The following RHOBTB1 variants were observed in gnomAD, a reference collection of about 807,000 sequenced individuals.
RHOBTB1 encodes rho-related BTB domain-containing protein 1.
Under a neutral mutation model 71.6 loss-of-function variants are expected in RHOBTB1, and 40 were observed. The ratio of observed to expected loss-of-function variants is 0.56; its 90% confidence interval spans 0.43 to 0.73. The LOEUF (loss-of-function observed/expected upper bound fraction) is 0.73. Among genes scored for constraint, RHOBTB1 ranks in the 30% least tolerant of loss-of-function variants. The pLI is 0.00. For missense variants in RHOBTB1, 797 were observed against 894.0 expected, an observed-to-expected ratio of 0.89 and a Z score of 1.38; for synonymous variants, 319 against 334.9, an observed-to-expected ratio of 0.95 and a Z score of 0.52.
At position 60,907,924 on chromosome 10, in the gene RHOBTB1, G is replaced by A. The variant is rs533532439; in HGVS notation, c.296+2963C>T. On this transcript the variant is annotated intron_variant, in intron 4 of 10. Coordinates refer to ENST00000337910, the MANE Select transcript of RHOBTB1 (RefSeq NM_014836.5). ...AAAGAACTCAACCTTTTACTCAATG[G>A]TAGCACCAAGATCATCTCTGCCTCC... Among the ~76,000 whole-genome samples, 28 of 152,230 alleles carry A rather than the reference G, an allele frequency of 1.8e-4. No individual in the cohort carries two copies. The South Asian group carries it at 5.6e-3, about 30-fold the overall frequency.
At chr10:60,933,764 A>G (rs1389740497) in intron 2 of RHOBTB1, among the ~76,000 whole-genome samples, 1 of 152,206 alleles carries the variant, frequency 6.6e-6, no homozygotes, top group Non-Finnish European at 1.5e-5. Context: ...TAACTTTAGA[A>G]GTCCAAACAC....
chr10:60,952,629 T>C (rs1422368197), intron 2 of RHOBTB1, among the ~76,000 whole-genome samples: 2 of 152,206 alleles, frequency 1.3e-5, no homozygotes, highest in East Asian at 3.8e-4. Context: ...TTCATATAAT[T>C]AGCATTTCAT....
At chr10:60,887,294 G>A (rs1363174434) in intron 6 of RHOBTB1, among the ~76,000 whole-genome samples, 2 of 152,192 alleles carry the variant, frequency 1.3e-5, no homozygotes, top group East Asian at 3.8e-4. Context: ...TAAAATGAAT[G>A]AACTGAGTCT....
At chr10:60,965,729 A>G (rs1031022279) in intron 2 of RHOBTB1, among the ~76,000 whole-genome samples, 3 of 152,152 alleles carry the variant, frequency 2.0e-5, no homozygotes, top group African/African-American at 7.2e-5. Flanking sequence ...CTCATGGTCT[A>G]TCCGTAGTTG....
At chr10:60,985,389 C>T (rs979512138) in intron 2 of RHOBTB1, among the ~76,000 whole-genome samples, 1 of 152,138 alleles carries the variant, frequency 6.6e-6, no homozygotes, top group Non-Finnish European at 1.5e-5. Flanking sequence ...ACATTCAGTG[C>T]CCAGGCCAAA....
chr10:60,884,520 A>T (rs964183866), intron 7 of RHOBTB1, among the ~76,000 whole-genome samples: 1 of 152,240 alleles, frequency 6.6e-6, no homozygotes, highest in East Asian at 1.9e-4. Context: ...GTAAAAAGAC[A>T]AAGAGGCTGT....
At chr10:60,988,432 A>G (rs941875039) in intron 1 of RHOBTB1, among the ~76,000 whole-genome samples, 1 of 151,712 alleles carries the variant, frequency 6.6e-6, no homozygotes. Flanking sequence ...ATAGTACCCA[A>G]CTGGTAGTTG....
rs531176812 is a variant in RHOBTB1 at position 60,872,159 on chromosome 10, T to C, written c.1921+26A>G. ...TCCATGAGAGGTGAGGAGAGCTGGA[T>C]GAATGGGGGCCTCACACAGTCTCAC... On this transcript the variant is annotated intron_variant, in intron 10 of 10. Coordinates refer to ENST00000337910, the MANE Select transcript of RHOBTB1 (RefSeq NM_014836.5). 3.3e-6 allele frequency: 5 copies of C among 1,502,526 alleles called. No individual in the cohort carries two copies. In the African/African-American group the frequency reaches 6.9e-5, roughly 21 times the overall value. 93.1% of individuals were successfully genotyped at this position (1,502,526 alleles called of 1,614,324 possible). A position where few individuals can be genotyped will look rare whatever the true frequency, so the allele number is the denominator to read the frequency against.
At chr10:60,875,080 C>G in intron 8 of RHOBTB1, 38 bp from the exon 9 acceptor site, 1 of 1,524,136 alleles carries the variant, frequency 6.6e-7, no homozygotes, top group Non-Finnish European at 9.1e-7. Flanking sequence ...CATTAAACCA[C>G]GCCCTGCGAG....
intron 2 of RHOBTB1, among the ~76,000 whole-genome samples, chr10:60,972,633 A>G (rs2086197496): frequency 6.6e-6 from 1 of 152,134 alleles, no homozygotes; most frequent in Non-Finnish European, 1.5e-5. Context: ...GTGTATGCCT[A>G]TGTAACAAAC....
intron 2 of RHOBTB1, among the ~76,000 whole-genome samples, chr10:60,940,022 A>G (rs930267595): frequency 6.6e-6 from 1 of 152,110 alleles, no homozygotes; most frequent in Admixed American, 6.5e-5. Flanking sequence ...AATCATGTTG[A>G]TGAGGTCTTG....
At chr10:60,987,522 T>C (rs2086706452) in intron 1 of RHOBTB1, among the ~76,000 whole-genome samples, 1 of 152,160 alleles carries the variant, frequency 6.6e-6, no homozygotes, top group Admixed American at 6.5e-5. Context: ...TATTTCCCAT[T>C]GACATATCCA....
intron 4 of RHOBTB1, among the ~76,000 whole-genome samples, chr10:60,897,634 G>T (rs1197133513): frequency 6.6e-6 from 1 of 152,186 alleles, no homozygotes; most frequent in African/African-American, 2.4e-5. Context: ...TCTCCAGTTT[G>T]TCTGAGTCTG....
At chr10:60,914,138 C>T (rs1033735022) in intron 2 of RHOBTB1, among the ~76,000 whole-genome samples, 5 of 152,038 alleles carry the variant, frequency 3.3e-5, no homozygotes, top group Non-Finnish European at 7.4e-5. Flanking sequence ...TTAAAGAATA[C>T]AGAAACAAGA....
chr10:60,906,533 A>C (rs981171137), intron 4 of RHOBTB1, among the ~76,000 whole-genome samples: 1 of 152,204 alleles, frequency 6.6e-6, no homozygotes, highest in African/African-American at 2.4e-5. Flanking sequence ...AGTCAGACAG[A>C]TTCAAGAGGA....
At chr10:61,000,739 T>C (rs943287461) in intron 1 of RHOBTB1, among the ~76,000 whole-genome samples, 1 of 152,068 alleles carries the variant, frequency 6.6e-6, no homozygotes, top group Admixed American at 6.5e-5. Flanking sequence ...AGTTCAAACT[T>C]TGTATGAGTG....
intron 2 of RHOBTB1, among the ~76,000 whole-genome samples, chr10:60,959,167 A>G (rs1055843106): frequency 6.6e-6 from 1 of 152,190 alleles, no homozygotes; most frequent in Non-Finnish European, 1.5e-5. Flanking sequence ...CCCATCTGTG[A>G]CTAAAAAAAT....
chr10:60,911,600 G>C lies in RHOBTB1; in HGVS notation c.-10-48C>G, dbSNP rs564293725. ...ACAGTAAGGACACCAAGGCTTTCCA[G>C]AGCAATCAAAGACGTAAGAGGTTCA... On this transcript the variant is annotated intron_variant, in intron 2 of 10. Coordinates refer to ENST00000337910, the MANE Select transcript of RHOBTB1 (RefSeq NM_014836.5). 2.7e-6 allele frequency: 4 copies of C among 1,496,360 alleles called. No homozygotes were observed. In the African/African-American group the frequency reaches 4.1e-5, roughly 15 times the overall value. The allele number at this position is 1,496,360 out of a possible 1,614,324, so 92.7% of individuals were successfully genotyped here.
chr10:60,967,124 C>T (rs886323075), intron 2 of RHOBTB1, among the ~76,000 whole-genome samples: 35 of 151,762 alleles, frequency 2.3e-4, no homozygotes, highest in African/African-American at 8.2e-4. Context: ...GACTCTAGGT[C>T]GGAGACCTGA....
Sources: gnomAD v4.1 joint callset for allele counts (sites outside exome capture counted in the v4.1 genomes callset) on GRCh38, gnomAD v4.1.1 for gene constraint, MANE v1.5 for transcripts, NCBI Gene and HGNC (gene_info 2026-07-23, HGNC 2026-07-21) for gene names.